Variants in OPRD1 observed in about 807,000 individuals in gnomAD.
OPRD1 encodes delta-type opioid receptor.
A neutral mutation model predicts 17.5 loss-of-function variants in OPRD1; 19 were observed. That is an observed-to-expected ratio of 1.09 (90% confidence interval 0.76 to 1.60). OPRD1 has a LOEUF of 1.60. Ranked by LOEUF, OPRD1 falls within the 40% of genes most tolerant of loss-of-function variation. The pLI, the probability that OPRD1 is intolerant of heterozygous loss-of-function variation, is 0.00. For missense variants in OPRD1, 483 were observed against 547.2 expected (o/e 0.88, Z 1.17); for synonymous variants, 256 against 240.9 (o/e 1.06, Z -0.58).
Position 28,812,336 on chromosome 1 carries a change from G to C in OPRD1, c.-48G>C, listed in dbSNP as rs2088636575. 1.6e-6 allele frequency: 2 copies of C among 1,241,930 alleles called. No homozygotes were observed. Among genetic ancestry groups the C allele is most frequent in the South Asian group, 2.7e-5 (1 of 36,898 alleles). The allele number at this position is 1,241,930 out of a possible 1,614,324, so 76.9% of individuals were successfully genotyped here. ...CGCTCCCCTCGCGTCGGATCCCCGC[G>C]CCCAGGGCGCACGGTGGAGAGGGAC... is the stretch of plus-strand genomic sequence containing the variant. On this transcript the variant is annotated 5_prime_UTR_variant, in exon 1 of 3. Coordinates refer to ENST00000234961, the MANE Select transcript of OPRD1 (RefSeq NM_000911.4).
chr1:28,840,552 G>GC lies in OPRD1; in HGVS notation c.228-18401dup, dbSNP rs376699295. Among the ~76,000 whole-genome samples, 527 of 152,310 alleles carry GC rather than the reference G, an allele frequency of 3.5e-3. 4 individuals carry two copies. Among genetic ancestry groups the GC allele is most frequent in the African/African-American group, 0.012 (504 of 41,570 alleles). On this transcript the variant is annotated intron_variant, in intron 1 of 2. Coordinates refer to ENST00000234961, the MANE Select transcript of OPRD1 (RefSeq NM_000911.4). ...CTCTGCTCAGCCTATTTGCCACTCT[G>GC]CAGCCTGGGGCAAGTCCCACTGTCT...
Position 28,844,827 on chromosome 1 carries a change from C to G in OPRD1, c.228-14127C>G, listed in dbSNP as rs112365059. ...TGGCACAATCTCGGCTCACTGCAAC[C>G]TCCACCTCCCAGGTTCAAGCGATTC... On this transcript the variant is annotated intron_variant, in intron 1 of 2. Coordinates refer to ENST00000234961, the MANE Select transcript of OPRD1 (RefSeq NM_000911.4). Among the ~76,000 whole-genome samples the G allele has an allele frequency of 2.6e-5, 4 of 152,170 alleles. 1 individual carries two copies. Among genetic ancestry groups the G allele is most frequent in the African/African-American group, 9.6e-5 (4 of 41,526 alleles).
chr1:28,849,875 C>CTTTTT (rs34907861), intron 1 of OPRD1, among the ~76,000 whole-genome samples: 4 of 118,114 alleles, frequency 3.4e-5, no homozygotes, highest in Non-Finnish European at 3.5e-5. Flanking sequence ...GAGAGTCAAA[C>CTTTTT]TTTTTTTTTT....
intron 1 of OPRD1, among the ~76,000 whole-genome samples, chr1:28,836,941 C>T (rs375010750): frequency 3.2e-4 from 49 of 152,160 alleles, no homozygotes; most frequent in Admixed American, 1.4e-3. Flanking sequence ...GGTGGGGGAA[C>T]GGGGATAGTT....
At chr1:28,816,046 A>C (rs1208093518) in intron 1 of OPRD1, among the ~76,000 whole-genome samples, 1 of 152,170 alleles carries the variant, frequency 6.6e-6, no homozygotes, top group Admixed American at 6.5e-5. Flanking sequence ...ATAATGTGTG[A>C]TATCTGAGCC....
At chr1:28,845,778 C>T (rs2124278905) in intron 1 of OPRD1, among the ~76,000 whole-genome samples, 1 of 137,946 alleles carries the variant, frequency 7.2e-6, no homozygotes, top group East Asian at 2.9e-4. Flanking sequence ...ACTTCATATC[C>T]ACAACCTTTT....
intron 1 of OPRD1, among the ~76,000 whole-genome samples, chr1:28,857,210 G>A (rs1296342468): frequency 6.6e-6 from 1 of 152,178 alleles, no homozygotes; most frequent in Non-Finnish European, 1.5e-5. Context: ...ATCAGGCTTG[G>A]AGCTAAGTGC....
intron 1 of OPRD1, among the ~76,000 whole-genome samples, chr1:28,816,355 C>G (rs767827854): frequency 1.3e-5 from 2 of 152,068 alleles, no homozygotes; most frequent in Non-Finnish European, 2.9e-5. Flanking sequence ...AGAGAAGCCT[C>G]TGCAGAGCTA....
At chr1:28,842,601 G>A (rs766307348) in intron 1 of OPRD1, among the ~76,000 whole-genome samples, 20 of 152,142 alleles carry the variant, frequency 1.3e-4, no homozygotes, top group Admixed American at 2.0e-4. Flanking sequence ...GTAGGGCTCC[G>A]AAAGGAACAC....
At chr1:28,844,408 G>A (rs907497841) in intron 1 of OPRD1, among the ~76,000 whole-genome samples, 16 of 151,460 alleles carry the variant, frequency 1.1e-4, no homozygotes, top group East Asian at 5.9e-4. Context: ...CTCCCACCTC[G>A]GCCCTCCAAG....
intron 1 of OPRD1, among the ~76,000 whole-genome samples, chr1:28,820,526 C>T (rs1324098505): frequency 6.6e-6 from 1 of 151,432 alleles, no homozygotes; most frequent in Non-Finnish European, 1.5e-5. Flanking sequence ...ACTTTATCAA[C>T]TCAATATTAT....
intron 1 of OPRD1, among the ~76,000 whole-genome samples, chr1:28,856,514 C>G (rs1332284724): frequency 6.6e-6 from 1 of 152,170 alleles, no homozygotes; most frequent in African/African-American, 2.4e-5. Flanking sequence ...TTCAAGGAGT[C>G]ACTCATGTAA....
chr1:28,846,972 C>T (rs10915202), intron 1 of OPRD1, among the ~76,000 whole-genome samples: 61,263 of 142,456 alleles, frequency 0.43, 14,634 homozygotes, highest in East Asian at 0.87. Flanking sequence ...CTCTTTCTTC[C>T]TTCCTTCCTT....
At chr1:28,817,020 C>T (rs779128872) in intron 1 of OPRD1, among the ~76,000 whole-genome samples, 5 of 152,146 alleles carry the variant, frequency 3.3e-5, no homozygotes, top group African/African-American at 4.8e-5. Flanking sequence ...GCCTCCTCTG[C>T]GCCCCGAGCT....
At chr1:28,858,743 G>C (rs896653076) in intron 1 of OPRD1, among the ~76,000 whole-genome samples, 1 of 151,134 alleles carries the variant, frequency 6.6e-6, no homozygotes, top group African/African-American at 2.4e-5. Context: ...ATGGGGTTTC[G>C]TCTTGTTAGC....
intron 1 of OPRD1, among the ~76,000 whole-genome samples, chr1:28,828,502 A>G (rs1239245845): frequency 6.6e-6 from 1 of 152,084 alleles, no homozygotes; most frequent in East Asian, 1.9e-4. Flanking sequence ...GCTTCAATTT[A>G]AAGTCACCAG....
At chr1:28,840,956 A>C (rs1036045713) in intron 1 of OPRD1, among the ~76,000 whole-genome samples, 3 of 152,194 alleles carry the variant, frequency 2.0e-5, no homozygotes, top group African/African-American at 7.2e-5. Context: ...AAATAAAGTA[A>C]AATGCTTATC....
At chr1:28,822,262 T>C (rs2088721612) in intron 1 of OPRD1, among the ~76,000 whole-genome samples, 1 of 152,100 alleles carries the variant, frequency 6.6e-6, no homozygotes, top group Non-Finnish European at 1.5e-5. Flanking sequence ...TCATTATTTC[T>C]ATAAGGAATT....
intron 1 of OPRD1, among the ~76,000 whole-genome samples, chr1:28,842,698 G>A (rs1322901587): frequency 1.3e-5 from 2 of 152,110 alleles, no homozygotes; most frequent in Admixed American, 6.5e-5. Flanking sequence ...GGTATCTCAC[G>A]GTCAACAGAG....
Sources: gnomAD v4.1 joint callset for allele counts (sites outside exome capture counted in the v4.1 genomes callset) on GRCh38, gnomAD v4.1.1 for gene constraint, MANE v1.5 for transcripts, NCBI Gene and HGNC (gene_info 2026-07-23, HGNC 2026-07-21) for gene names.